The following NLRC4 variants were observed in gnomAD, a reference collection of about 807,000 sequenced individuals.
NLRC4 encodes NLR family CARD domain containing 4, also known as NLR family CARD domain-containing protein 4.
In NLRC4, 63 loss-of-function variants were observed where a neutral mutation model predicts 79.9. The observed-to-expected ratio is 0.79, with a 90% CI of 0.64 to 0.97. NLRC4 has a LOEUF of 0.97. NLRC4 is among the 50% of genes least tolerant of loss of function. The pLI is 0.00. For missense variants in NLRC4, 1,074 were observed against 1,215.2 expected (o/e 0.88, Z 1.73); for synonymous variants, 461 against 456.5 (o/e 1.01, Z -0.12).
chr2:32,235,335 A>C, intron 8 of NLRC4, 66 bp downstream of exon 8: 1 of 1,221,832 alleles, frequency 8.2e-7, no homozygotes, highest in South Asian at 1.3e-5. Context: ...CAAAATAAGC[A>C]AAGCCAACTT....
In NLRC4 at chr2:32,228,543, C is replaced by G. The variant is rs796793686; in HGVS notation, c.2783-3778G>C. Among the ~76,000 whole-genome samples the G allele has an allele frequency of 7.2e-5, 11 of 152,256 alleles. 1 individual carries two copies. Among genetic ancestry groups the G allele is most frequent in the African/African-American group, 2.4e-4 (10 of 41,526 alleles). On this transcript the variant is annotated intron_variant, in intron 8 of 8. Coordinates refer to ENST00000402280, the MANE Select transcript of NLRC4 (RefSeq NM_001199138.2). Reference sequence around the variant, plus strand: ...ACTGAGACTAAAAGCCAAAACAACTCCCAAAGAAATCAGGCACTGTAGAAA... The same window carrying G: ...ACTGAGACTAAAAGCCAAAACAACTGCCAAAGAAATCAGGCACTGTAGAAA...
At chr2:32,225,695 T>C (rs1401349118) in intron 8 of NLRC4, among the ~76,000 whole-genome samples, 2 of 152,198 alleles carry the variant, frequency 1.3e-5, no homozygotes, top group Admixed American at 6.5e-5. Context: ...TAAGTTCACC[T>C]TGAAGTACAG....
intron 1 of NLRC4, among the ~76,000 whole-genome samples, chr2:32,262,364 A>G (rs562435688): frequency 2.0e-4 from 30 of 152,350 alleles, no homozygotes; most frequent in African/African-American, 5.8e-4. Context: ...GTAGAAAAAG[A>G]GGAAGAAGAT....
intron 1 of NLRC4, among the ~76,000 whole-genome samples, chr2:32,260,173 G>A (rs1687306549): frequency 1.6e-5 from 2 of 125,610 alleles, no homozygotes; most frequent in Admixed American, 2.1e-4. Flanking sequence ...AGGTTGCAGT[G>A]AGCCAAGATC....
At chr2:32,257,060 C>A (rs770978426) in intron 1 of NLRC4, among the ~76,000 whole-genome samples, 167 bp from the exon 2 acceptor site, 2 of 152,174 alleles carry the variant, frequency 1.3e-5, no homozygotes, top group African/African-American at 4.8e-5. Context: ...AGAACCCAGG[C>A]GGCTGGACTC....
intron 6 of NLRC4, 128 bp from the exon 7 acceptor site, chr2:32,236,467 G>T: frequency 1.6e-6 from 1 of 627,572 alleles, no homozygotes; most frequent in East Asian, 2.9e-5. Context: ...AACTTGCCTT[G>T]GTTATTTTAA....
chr2:32,265,548 G>A (rs1687445770), upstream of NLRC4: 1 of 152,338 alleles, frequency 6.6e-6, no homozygotes, highest in African/African-American at 2.4e-5. Flanking sequence ...AGCTTAGTTG[G>A]CTAAAGCACA....
At chr2:32,248,665 T>C (rs189002672) in intron 4 of NLRC4, among the ~76,000 whole-genome samples, 83 of 150,870 alleles carry the variant, frequency 5.5e-4, no homozygotes, top group Admixed American at 1.6e-3. Flanking sequence ...CCATAAAAAA[T>C]CAAACAATGA....
At chr2:32,248,082 T>A (rs1686980450) in intron 4 of NLRC4, among the ~76,000 whole-genome samples, 1 of 152,092 alleles carries the variant, frequency 6.6e-6, no homozygotes, top group Admixed American at 6.6e-5. Context: ...AAGCTCAGAT[T>A]TCACCACCAC....
intron 4 of NLRC4, among the ~76,000 whole-genome samples, chr2:32,247,193 T>C (rs189193911): frequency 6.6e-6 from 1 of 152,316 alleles, no homozygotes; most frequent in East Asian, 1.9e-4. Context: ...CCTCCAAGAC[T>C]TGAAGTAGGG....
At chr2:32,238,011 T>G in intron 6 of NLRC4, 121 bp downstream of exon 6, 15 of 693,258 alleles carry the variant, frequency 2.2e-5, no homozygotes, top group Admixed American at 3.2e-5. Context: ...ATCGAGAAGT[T>G]TTTATTTTCC....
chr2:32,257,649 C>G (rs1409078817), intron 1 of NLRC4, among the ~76,000 whole-genome samples: 1 of 148,632 alleles, frequency 6.7e-6, no homozygotes, highest in Non-Finnish European at 1.5e-5. Context: ...AAGATGAGGC[C>G]AGGTAGTTGG....
At chr2:32,227,171 T>TAA (rs35563451) in intron 8 of NLRC4, among the ~76,000 whole-genome samples, 60 of 147,492 alleles carry the variant, frequency 4.1e-4, no homozygotes, top group Middle Eastern at 3.5e-3. Flanking sequence ...AATAGAGGAG[T>TAA]AAAAAAAAAA....
At chr2:32,230,566 G>A (rs763839389) in intron 8 of NLRC4, among the ~76,000 whole-genome samples, 6 of 150,732 alleles carry the variant, frequency 4.0e-5, no homozygotes, top group Non-Finnish European at 7.4e-5. Flanking sequence ...CCACCTTCTC[G>A]GTTCAAGAGA....
chr2:32,224,802 ATTTTT>A lies in NLRC4; in HGVS notation c.2783-42_2783-38del, dbSNP rs3832075. The A allele has an allele frequency of 0.021, 24,484 of 1,154,066 alleles. 584 individuals are homozygous for A. Among genetic ancestry groups the A allele is most frequent in the African/African-American group, 0.11 (6,395 of 57,924 alleles). The allele number at this position is 1,154,066 out of a possible 1,614,324, so 71.5% of individuals were successfully genotyped here. ...AATAAGTATATTAGTTGGAAGAAAA[ATTTTT>A]TTTAAAAAAAAAGAGAAATAGGTTC... On this transcript the variant is annotated intron_variant, in intron 8 of 8. Transcript: ENST00000402280.
chr2:32,231,166 G>A (rs983180827), intron 8 of NLRC4, among the ~76,000 whole-genome samples: 24 of 151,758 alleles, frequency 1.6e-4, no homozygotes, highest in African/African-American at 5.8e-4. Context: ...TTTTTGTTTT[G>A]TTTTTTGACA....
intron 2 of NLRC4, among the ~76,000 whole-genome samples, chr2:32,254,856 G>A (rs1405932584): frequency 6.6e-6 from 1 of 151,760 alleles, no homozygotes; most frequent in African/African-American, 2.4e-5. Flanking sequence ...GACCTCAGGT[G>A]ATCTGCCCGT....
intron 8 of NLRC4, among the ~76,000 whole-genome samples, chr2:32,234,391 C>A (rs953302034): frequency 2.0e-5 from 3 of 151,244 alleles, no homozygotes; most frequent in Admixed American, 6.6e-5. Context: ...AAAAAAAAAA[C>A]AAAAAACAAA....
chr2:32,230,228 G>A (rs1686498286), intron 8 of NLRC4, among the ~76,000 whole-genome samples: 1 of 152,214 alleles, frequency 6.6e-6, no homozygotes, highest in African/African-American at 2.4e-5. Flanking sequence ...AGGAGACGCT[G>A]AGTACTGATT....
Sources: allele counts gnomAD v4.1 joint callset (sites outside exome capture counted in the v4.1 genomes callset), GRCh38; gene constraint gnomAD v4.1.1; transcripts MANE v1.5; gene names NCBI Gene and HGNC (gene_info 2026-07-23, HGNC 2026-07-21).